VWC2L: variants seen among roughly 807,000 people sequenced by gnomAD.
The protein encoded by VWC2L is von Willebrand factor C domain containing 2 like, also known as von Willebrand factor C domain-containing protein 2-like.
Under a neutral mutation model 21.6 loss-of-function variants are expected in VWC2L, and 10 were observed. The observed-to-expected ratio is 0.46, with a 90% CI of 0.29 to 0.78. The LOEUF is 0.78. Among genes scored for constraint, VWC2L ranks in the 30% least tolerant of loss-of-function variants. The pLI is 0.10. For missense variants in VWC2L, 209 were observed against 277.1 expected (o/e 0.75, Z 1.74); for synonymous variants, 96 against 94.3 (o/e 1.02, Z -0.10).
At chr2:214,429,908 C>T (rs934937564) in intron 2 of VWC2L, among the ~76,000 whole-genome samples, 1 of 152,252 alleles carries the variant, frequency 6.6e-6, no homozygotes, top group Admixed American at 6.5e-5. Flanking sequence ...ACTGCAACCT[C>T]CGCCTCCTGG....
intron 3 of VWC2L, among the ~76,000 whole-genome samples, chr2:214,467,983 A>T (rs1024887817): frequency 8.5e-5 from 13 of 152,096 alleles, no homozygotes; most frequent in African/African-American, 2.9e-4. Context: ...TTGTCTCAAC[A>T]AAGACAGAAA....
At chr2:214,508,444 G>C (rs1364639363) in intron 3 of VWC2L, among the ~76,000 whole-genome samples, 1 of 152,056 alleles carries the variant, frequency 6.6e-6, no homozygotes, top group Admixed American at 6.6e-5. Context: ...TTATTGTCAA[G>C]GTTGATAACA....
intron 3 of VWC2L, among the ~76,000 whole-genome samples, chr2:214,501,493 C>A (rs919548436): frequency 6.6e-6 from 1 of 152,022 alleles, no homozygotes; most frequent in East Asian, 1.9e-4. Flanking sequence ...GAGTCCGAGG[C>A]GGTGAATCGC....
At chr2:214,476,475 G>A (rs1688527686) in intron 3 of VWC2L, among the ~76,000 whole-genome samples, 2 of 152,098 alleles carry the variant, frequency 1.3e-5, no homozygotes, top group African/African-American at 2.4e-5. Context: ...AATGATTGTG[G>A]GGGTTGGGGG....
chr2:214,558,864 C>T (rs1215858876), intron 3 of VWC2L, among the ~76,000 whole-genome samples: 3 of 148,868 alleles, frequency 2.0e-5, no homozygotes, highest in African/African-American at 5.0e-5. Context: ...GCTAGTGTTT[C>T]TTTTTTTTAA....
chr2:214,483,181 G>A (rs1688629979), intron 3 of VWC2L, among the ~76,000 whole-genome samples: 1 of 152,132 alleles, frequency 6.6e-6, no homozygotes, highest in South Asian at 2.1e-4. Flanking sequence ...TCTGGTCACA[G>A]AGCCTGAGTT....
chr2:214,535,660 A>G (rs1335231670), intron 3 of VWC2L, among the ~76,000 whole-genome samples: 2 of 152,128 alleles, frequency 1.3e-5, no homozygotes, highest in East Asian at 3.9e-4. Flanking sequence ...CCCAATTTCA[A>G]GTATTGGGTA....
intron 3 of VWC2L, among the ~76,000 whole-genome samples, chr2:214,457,099 G>GA (rs1362432146): frequency 2.6e-5 from 4 of 151,996 alleles, no homozygotes; most frequent in Admixed American, 2.6e-4. Flanking sequence ...AAATTTCTGT[G>GA]AAAAATGTTA....
At chr2:214,512,603 T>G (rs573440739) in intron 3 of VWC2L, among the ~76,000 whole-genome samples, 213 of 152,276 alleles carry the variant, frequency 1.4e-3, no homozygotes, top group African/African-American at 5.0e-3. Flanking sequence ...TTCTAAAAAT[T>G]TTTGTCAATG....
In VWC2L at chr2:214,435,894, T is replaced by G. The variant is rs549367048; in HGVS notation, c.391-735T>G. Among the ~76,000 whole-genome samples, 4 of 152,322 alleles carry G rather than the reference T, an allele frequency of 2.6e-5. No individual in the cohort carries two copies. In the East Asian group the frequency reaches 5.8e-4, roughly 22 times the overall value. On this transcript the variant is annotated intron_variant, in intron 2 of 3. Coordinates refer to ENST00000312504, the MANE Select transcript of VWC2L (RefSeq NM_001080500.4). The stretch of plus-strand genomic sequence containing the variant: ...CTAAACACTCTCGGCCGGTAAGTAC[T>G]GCAAAGACAAATGTTCTTTTCTGAT...
At chr2:214,515,393 AGGAGAG>A (rs1689124408) in intron 3 of VWC2L, among the ~76,000 whole-genome samples, 2 of 152,212 alleles carry the variant, frequency 1.3e-5, no homozygotes, top group East Asian at 3.9e-4. Context: ...ACCCCTGTGG[AGGAGAG>A]GGCTGACTTC....
intron 3 of VWC2L, among the ~76,000 whole-genome samples, chr2:214,503,651 T>C (rs1017343181): frequency 2.0e-5 from 3 of 151,916 alleles, no homozygotes; most frequent in African/African-American, 7.3e-5. Flanking sequence ...CTCAGGAGTC[T>C]GCATTTTTGC....
At chr2:214,456,655 A>G (rs1209282443) in intron 3 of VWC2L, among the ~76,000 whole-genome samples, 1 of 151,990 alleles carries the variant, frequency 6.6e-6, no homozygotes, top group African/African-American at 2.4e-5. Context: ...ATTTTCCTAG[A>G]CCAACATCCT....
intron 2 of VWC2L, among the ~76,000 whole-genome samples, chr2:214,430,170 A>G (rs954487333): frequency 6.6e-6 from 1 of 151,858 alleles, no homozygotes; most frequent in African/African-American, 2.4e-5. Context: ...CATTGATAAA[A>G]TGTCACTGTT....
chr2:214,509,655 T>C (rs1689023281), intron 3 of VWC2L, among the ~76,000 whole-genome samples: 1 of 152,208 alleles, frequency 6.6e-6, no homozygotes, highest in Admixed American at 6.5e-5. Flanking sequence ...TCCTGTGTTT[T>C]TGAGAAGTGA....
intron 3 of VWC2L, among the ~76,000 whole-genome samples, chr2:214,502,166 C>A (rs565405932): frequency 6.6e-6 from 1 of 152,314 alleles, no homozygotes; most frequent in South Asian, 2.1e-4. Context: ...CTAGTCTCAG[C>A]TTCAATGAGT....
intron 2 of VWC2L, chr2:214,436,142 T>C (rs1702675463): frequency 6.5e-6 from 1 of 153,008 alleles, no homozygotes; most frequent in Non-Finnish European, 1.5e-5. Context: ...ATTTAGAGTC[T>C]AAGTTGGCTT....
At chr2:214,571,589 C>CAA (rs993541520) in intron 3 of VWC2L, among the ~76,000 whole-genome samples, 31 of 152,106 alleles carry the variant, frequency 2.0e-4, no homozygotes, top group African/African-American at 7.5e-4. Context: ...TTCAGTTAAA[C>CAA]AAATTTATAC....
At chr2:214,442,218 A>T (rs1464861272) in intron 3 of VWC2L, among the ~76,000 whole-genome samples, 1 of 152,172 alleles carries the variant, frequency 6.6e-6, no homozygotes, top group African/African-American at 2.4e-5. Context: ...ACAATAAGAT[A>T]TCATTTTAAA....
Sources: allele counts gnomAD v4.1 joint callset (sites outside exome capture counted in the v4.1 genomes callset), GRCh38; gene constraint gnomAD v4.1.1; transcripts MANE v1.5; gene names NCBI Gene and HGNC (gene_info 2026-07-23, HGNC 2026-07-21).